Variants in DIP2C observed in about 807,000 individuals in gnomAD.
The protein encoded by DIP2C is DIP2 acetate--CoA ligase C (putative), also known as disco-interacting protein 2 homolog C.
Under a neutral mutation model 192.4 loss-of-function variants are expected in DIP2C, and 33 were observed. That is an observed-to-expected ratio of 0.17 (90% CI 0.13 to 0.23). DIP2C has a LOEUF of 0.23. Ranked by LOEUF, DIP2C falls within the 10% of genes least tolerant of loss-of-function variation. The pLI, the probability that DIP2C is intolerant of heterozygous loss-of-function variation, is 1.00. For synonymous variants in DIP2C, 979 were observed against 864.1 expected (o/e 1.13, Z -2.33); for missense variants, 1,537 against 2,110.1 (o/e 0.73, Z 5.32).
rs201658469 is a variant in DIP2C, at chr10:432,084, A to AT, written c.394+8786dup. Among the ~76,000 whole-genome samples, 1,080 of 147,046 alleles carry AT rather than the reference A, an allele frequency of 7.3e-3. 13 individuals carry two copies. The highest frequency in any genetic ancestry group is 0.035 in the Middle Eastern group (10 of 282). ...AAATTCCACTTGGTTTTGGTGCACA[A>AT]TTTTTTTTTTTTACACTGTTGGATT... On this transcript the variant is annotated intron_variant, in intron 4 of 36. Coordinates refer to ENST00000280886, the MANE Select transcript of DIP2C (RefSeq NM_014974.3).
chr10:340,508 G>C (rs565413117), intron 29 of DIP2C, among the ~76,000 whole-genome samples: 1 of 152,138 alleles, frequency 6.6e-6, no homozygotes, highest in Non-Finnish European at 1.5e-5. Flanking sequence ...AAAACTATAT[G>C]CCCAATGCTA....
chr10:533,169 T>TCC (rs1847514553), intron 1 of DIP2C, among the ~76,000 whole-genome samples: 1 of 152,042 alleles, frequency 6.6e-6, no homozygotes. Context: ...GAACTGACCC[T>TCC]CCCTCGACGA....
In DIP2C at chr10:543,062, T is replaced by C. The variant is rs950514607; in HGVS notation, c.86-56532A>G. On this transcript the variant is annotated intron_variant, in intron 1 of 36. Coordinates refer to ENST00000280886, the MANE Select transcript of DIP2C (RefSeq NM_014974.3). Reference sequence around the variant, plus strand: ...AAAAGTCAGAAACATTGAGTGATGATGATGACACCGATACCAACACATGCG... The same window carrying C: ...AAAAGTCAGAAACATTGAGTGATGACGATGACACCGATACCAACACATGCG... Among the ~76,000 whole-genome samples, 8 of 152,166 alleles carry C rather than the reference T, an allele frequency of 5.3e-5. 1 individual carries two copies. The highest frequency in any genetic ancestry group is 1.9e-4 in the African/African-American group (8 of 41,442).
chr10:651,538 CTTTG>C lies in DIP2C; in HGVS notation c.85+37952_85+37955del, dbSNP rs1855905432. Reference sequence around the variant, plus strand: ...AAGGTATTATGCAAAAAAAGCTTAACTTTGTTTCAGTGCCTTTCCAGTTAAATGT... The same window carrying C: ...AAGGTATTATGCAAAAAAAGCTTAACTTTCAGTGCCTTTCCAGTTAAATGT... On this transcript the variant is annotated intron_variant, in intron 1 of 36. Coordinates refer to ENST00000280886, the MANE Select transcript of DIP2C (RefSeq NM_014974.3). The surrounding 1 kb of genome is among the most constrained non-coding windows in gnomAD (Gnocchi z 4.1). 2.1e-6 allele frequency: 1 copy of C among 465,976 alleles called. No homozygotes were observed. The highest frequency in any genetic ancestry group is 3.2e-5 in the Admixed American group (1 of 30,942). The allele number at this position is 465,976 out of a possible 1,614,324, so 28.9% of individuals were successfully genotyped here.
At chr10:282,839 G>A (rs1462315311) in intron 35 of DIP2C, among the ~76,000 whole-genome samples, 3 of 152,224 alleles carry the variant, frequency 2.0e-5, no homozygotes, top group African/African-American at 7.2e-5. Context: ...CCCTGACAGG[G>A]GCAGACCCAG....
intron 5 of DIP2C, among the ~76,000 whole-genome samples, chr10:422,220 G>A (rs957803377): frequency 2.6e-5 from 4 of 152,150 alleles, no homozygotes; most frequent in East Asian, 3.8e-4. Flanking sequence ...ATTTACTACT[G>A]AACCGTTCAA....
intron 31 of DIP2C, among the ~76,000 whole-genome samples, chr10:316,810 T>C (rs1391731985): frequency 2.0e-5 from 3 of 152,248 alleles, no homozygotes; most frequent in African/African-American, 7.2e-5. Context: ...ATACTGCCAT[T>C]TATGTTTTTT....
At chr10:375,400 C>T (rs150593600) in intron 17 of DIP2C, among the ~76,000 whole-genome samples, 6 of 152,326 alleles carry the variant, frequency 3.9e-5, no homozygotes, top group Non-Finnish European at 7.3e-5. Context: ...GCTTCTCTTA[C>T]AGCCTACAGA....
At chr10:458,706 G>C (rs565236363) in intron 3 of DIP2C, among the ~76,000 whole-genome samples, 134 of 149,456 alleles carry the variant, frequency 9.0e-4, no homozygotes, top group East Asian at 8.0e-4. Context: ...CAGAGTGCTC[G>C]GAACCCATGA....
At chr10:376,827 G>A (rs1961657116) in intron 17 of DIP2C, among the ~76,000 whole-genome samples, 1 of 152,126 alleles carries the variant, frequency 6.6e-6, no homozygotes, top group Non-Finnish European at 1.5e-5. Flanking sequence ...ACTCATTTCA[G>A]CAGAAATAAT....
chr10:298,439 G>A (rs1430174292), intron 32 of DIP2C, among the ~76,000 whole-genome samples: 1 of 152,236 alleles, frequency 6.6e-6, no homozygotes, highest in Non-Finnish European at 1.5e-5. Flanking sequence ...CACGTTTGCA[G>A]GTTTTCCCCG....
chr10:511,198 G>A (rs538519383), intron 1 of DIP2C, among the ~76,000 whole-genome samples: 2 of 152,188 alleles, frequency 1.3e-5, no homozygotes, highest in East Asian at 3.9e-4. Flanking sequence ...CCAGCAGGGG[G>A]CAGGAGAGAG....
Position 362,512 on chromosome 10 carries a change from A to G in DIP2C, c.2772T>C (p.Pro924=), listed in dbSNP as rs1959663664. 6.2e-7 allele frequency: 1 copy of G among 1,613,964 alleles called. No homozygotes were observed. Among genetic ancestry groups the G allele is most frequent in the Admixed American group, 1.7e-5 (1 of 60,024 alleles). Residue 924 remains proline, a synonymous_variant, in exon 22 of 37, where the codon CCT becomes CCC. Transcript: ENST00000280886. The part of the protein sequence containing the change: ...MCPHTCVTNL[P]KPRQKQPEIG... Reference sequence around the variant, plus strand: ...TACCTGGCTGCTTCTGTCGAGGCTTAGGCAAGTTTGTGACGCAGGTGTGGG... The same window carrying G: ...TACCTGGCTGCTTCTGTCGAGGCTTGGGCAAGTTTGTGACGCAGGTGTGGG...
chr10:336,675 T>G (rs1957782511), intron 29 of DIP2C, among the ~76,000 whole-genome samples: 1 of 152,224 alleles, frequency 6.6e-6, no homozygotes, highest in African/African-American at 2.4e-5. Flanking sequence ...ACAGCCTCAG[T>G]GGGTCCTTCA....
chr10:399,476 T>C (rs1159921422), intron 9 of DIP2C, among the ~76,000 whole-genome samples: 2 of 152,238 alleles, frequency 1.3e-5, no homozygotes, highest in South Asian at 2.1e-4. Flanking sequence ...CTACCTTCCA[T>C]ACCCACACGT....
At chr10:625,841 C>A (rs1369245625) in intron 1 of DIP2C, among the ~76,000 whole-genome samples, 2 of 152,068 alleles carry the variant, frequency 1.3e-5, no homozygotes, top group African/African-American at 4.8e-5. Flanking sequence ...TAAATGAGGG[C>A]ACCTAATTTA....
chr10:298,192 T>C (rs1325273789), intron 32 of DIP2C, among the ~76,000 whole-genome samples: 1 of 152,202 alleles, frequency 6.6e-6, no homozygotes, highest in Non-Finnish European at 1.5e-5. Flanking sequence ...CCTGAGTTCC[T>C]ATGGACTGTG....
intron 8 of DIP2C, among the ~76,000 whole-genome samples, chr10:409,511 A>C (rs747658686): frequency 6.6e-6 from 1 of 152,234 alleles, no homozygotes; most frequent in South Asian, 2.1e-4. Flanking sequence ...CACTGGAACA[A>C]GGCCGGCACA....
chr10:370,859 A>T (rs1000054258), intron 17 of DIP2C, among the ~76,000 whole-genome samples: 34 of 152,254 alleles, frequency 2.2e-4, no homozygotes, highest in African/African-American at 8.2e-4. Context: ...ATAAAAGTTA[A>T]TATTTGGAAA....
Sources: gnomAD v4.1 joint callset for allele counts (sites outside exome capture counted in the v4.1 genomes callset) on GRCh38, gnomAD v4.1.1 for gene constraint, Gnocchi (gnomAD v3.1) non-coding constraint, MANE v1.5 for transcripts, NCBI Gene and HGNC (gene_info 2026-07-23, HGNC 2026-07-21) for gene names.